The following CHRM3 variants were observed in gnomAD, a reference collection of about 807,000 sequenced individuals.
The protein encoded by CHRM3 is muscarinic acetylcholine receptor M3.
In CHRM3, 11 loss-of-function variants were observed where a neutral mutation model predicts 41.8. The ratio of observed to expected loss-of-function variants is 0.26; its 90% CI spans 0.17 to 0.44. CHRM3 has a LOEUF of 0.44. CHRM3 is among the 20% of genes least tolerant of loss of function. The pLI is 1.00. For missense variants in CHRM3, 571 were observed against 745.4 expected, an observed-to-expected ratio of 0.77 and a Z score of 2.72; for synonymous variants, 297 against 301.4, an observed-to-expected ratio of 0.99 and a Z score of 0.15.
chr1:239,526,859 C>A (rs1670028894), intron 2 of CHRM3, among the ~76,000 whole-genome samples: 2 of 152,128 alleles, frequency 1.3e-5, no homozygotes, highest in Admixed American at 1.3e-4. Flanking sequence ...CAGTGGCTCA[C>A]CCCTGTAATC....
At chr1:239,872,217 T>A (rs1676647303) in intron 6 of CHRM3, among the ~76,000 whole-genome samples, 1 of 152,194 alleles carries the variant, frequency 6.6e-6, no homozygotes, top group South Asian at 2.1e-4. Flanking sequence ...AAATATAAAT[T>A]CTTTGTAAGT....
chr1:239,699,191 T>G (rs1660463627), intron 5 of CHRM3, among the ~76,000 whole-genome samples: 1 of 152,138 alleles, frequency 6.6e-6, no homozygotes, highest in African/African-American at 2.4e-5. Context: ...ACTACATAGT[T>G]TTGCAAAACT....
At chr1:239,782,107 T>G (rs542019882) in intron 5 of CHRM3, among the ~76,000 whole-genome samples, 1 of 152,268 alleles carries the variant, frequency 6.6e-6, no homozygotes, top group African/African-American at 2.4e-5. Context: ...AGTTTTGGTA[T>G]TAGGATAATG....
intron 1 of CHRM3, among the ~76,000 whole-genome samples, chr1:239,409,817 C>T (rs1660926652): frequency 6.6e-6 from 1 of 152,166 alleles, no homozygotes; most frequent in Non-Finnish European, 1.5e-5. Flanking sequence ...TTGCGGGCGC[C>T]TGTAGTCCCA....
chr1:239,741,221 C>G (rs935161446), intron 5 of CHRM3, among the ~76,000 whole-genome samples: 3 of 152,066 alleles, frequency 2.0e-5, no homozygotes, highest in Non-Finnish European at 2.9e-5. Flanking sequence ...ATGTTTTGAT[C>G]TGGTGAAGAT....
At chr1:239,391,832 G>A (rs1016640507) in intron 1 of CHRM3, among the ~76,000 whole-genome samples, 1 of 152,172 alleles carries the variant, frequency 6.6e-6, no homozygotes, top group African/African-American at 2.4e-5. Flanking sequence ...ACAGTAGCTG[G>A]CAGATGCCTT....
chr1:239,644,863 G>T (rs970976152), intron 4 of CHRM3, among the ~76,000 whole-genome samples: 2 of 152,176 alleles, frequency 1.3e-5, no homozygotes, highest in African/African-American at 4.8e-5. Context: ...CCCATGGCCT[G>T]GGGACTGGAC....
intron 5 of CHRM3, among the ~76,000 whole-genome samples, chr1:239,695,539 C>T (rs1660104122): frequency 1.3e-5 from 2 of 152,050 alleles, no homozygotes; most frequent in Non-Finnish European, 2.9e-5. Context: ...AAACCATCCT[C>T]CTTATTTGTC....
intron 4 of CHRM3, among the ~76,000 whole-genome samples, chr1:239,668,566 T>TA (rs1348726207): frequency 6.6e-6 from 1 of 152,190 alleles, no homozygotes; most frequent in Non-Finnish European, 1.5e-5. Flanking sequence ...TACAGGAAGA[T>TA]ATAGTTAAAA....
Position 239,598,087 on chromosome 1 carries a change from C to T in CHRM3, c.-312-34137C>T, listed in dbSNP as rs192920955. Reference sequence around the variant, plus strand: ...AGCCCAGGGCCAGGGGTCCTGAAGGCCAGGGGCACACACTAGGACGCACAG... The same window carrying T: ...AGCCCAGGGCCAGGGGTCCTGAAGGTCAGGGGCACACACTAGGACGCACAG... On this transcript the variant is annotated intron_variant, in intron 3 of 6. Coordinates refer to ENST00000676153, the MANE Select transcript of CHRM3 (RefSeq NM_001375978.1). 6.6e-5 allele frequency among the ~76,000 whole-genome samples: 10 copies of T among 152,088 alleles called. No individual in the cohort carries two copies. The East Asian group carries it at 1.7e-3, about 26-fold the overall frequency.
chr1:239,606,429 G>C (rs944662462), intron 3 of CHRM3, among the ~76,000 whole-genome samples: 1 of 151,858 alleles, frequency 6.6e-6, no homozygotes, highest in East Asian at 1.9e-4. Context: ...GCGCCCACCA[G>C]CACGTTCGGC....
chr1:239,591,662 A>G (rs919629094), intron 3 of CHRM3, among the ~76,000 whole-genome samples: 1 of 152,144 alleles, frequency 6.6e-6, no homozygotes, highest in Non-Finnish European at 1.5e-5. Context: ...ATGGCATTTT[A>G]ATAGCCACTG....
At chr1:239,422,767 C>G (rs987244538) in intron 1 of CHRM3, among the ~76,000 whole-genome samples, 6 of 151,518 alleles carry the variant, frequency 4.0e-5, no homozygotes, top group African/African-American at 9.7e-5. Flanking sequence ...TGCACTCCAG[C>G]CTGGGTGACA....
chr1:239,505,093 CTT>C (rs1195415075), intron 2 of CHRM3, among the ~76,000 whole-genome samples: 2 of 152,104 alleles, frequency 1.3e-5, no homozygotes, highest in African/African-American at 4.8e-5. Flanking sequence ...ACTAAAAACT[CTT>C]TATCAGCTCT....
chr1:239,399,675 T>C (rs1024401676), intron 1 of CHRM3, among the ~76,000 whole-genome samples: 6 of 151,978 alleles, frequency 3.9e-5, no homozygotes, highest in African/African-American at 1.4e-4. Flanking sequence ...GGAGGAAGAA[T>C]TTTCTTCTCT....
At chr1:239,801,048 G>A (rs764978541) in intron 5 of CHRM3, among the ~76,000 whole-genome samples, 4 of 152,182 alleles carry the variant, frequency 2.6e-5, no homozygotes, top group East Asian at 1.9e-4. Flanking sequence ...GAAACGGGGT[G>A]CCAGGGAGGC....
chr1:239,682,653 G>A (rs539979067), intron 5 of CHRM3, among the ~76,000 whole-genome samples: 167 of 151,464 alleles, frequency 1.1e-3, no homozygotes, highest in African/African-American at 3.4e-3. Flanking sequence ...AAAAACTGAC[G>A]TAAAATATAA....
chr1:239,900,567 G>A (rs1474161690), intron 6 of CHRM3, among the ~76,000 whole-genome samples: 1 of 151,894 alleles, frequency 6.6e-6, no homozygotes, highest in Admixed American at 6.5e-5. Flanking sequence ...TTGTTTCCTG[G>A]CCCTATAGGG....
intron 5 of CHRM3, among the ~76,000 whole-genome samples, chr1:239,771,437 C>G (rs1667662392): frequency 6.6e-6 from 1 of 152,200 alleles, no homozygotes; most frequent in Admixed American, 6.5e-5. Flanking sequence ...GAATGGAAAT[C>G]TGTTCATACA....
Sources: gnomAD v4.1 joint callset for allele counts (sites outside exome capture counted in the v4.1 genomes callset) on GRCh38, gnomAD v4.1.1 for gene constraint, MANE v1.5 for transcripts, NCBI Gene and HGNC (gene_info 2026-07-23, HGNC 2026-07-21) for gene names.